The following SCFD1 variants were observed in gnomAD, a reference collection of about 807,000 sequenced individuals.
SCFD1 encodes the protein sec1 family domain-containing protein 1.
Under a neutral mutation model 103.2 loss-of-function variants are expected in SCFD1, and 37 were observed. That is an observed-to-expected ratio of 0.36 (90% CI 0.28 to 0.47). SCFD1 has a LOEUF of 0.47. Ranked by LOEUF, SCFD1 falls within the 20% of genes least tolerant of loss-of-function variation. The probability of loss-of-function intolerance (pLI) is 1.00; values close to 1 mark genes in which losing one functional copy is unlikely to be tolerated. For synonymous variants in SCFD1, 264 were observed against 245.0 expected, an observed-to-expected ratio of 1.08 and a Z score of -0.73; for missense variants, 639 against 761.2, an observed-to-expected ratio of 0.84 and a Z score of 1.89.
chr14:30,722,100 G>T (rs957513198), intron 22 of SCFD1, among the ~76,000 whole-genome samples, 183 bp downstream of exon 22: 1 of 151,940 alleles, frequency 6.6e-6, no homozygotes, highest in Non-Finnish European at 1.5e-5. Context: ...TAAAAATAAC[G>T]GACAATTCAC....
At chr14:30,634,227 C>T (rs981874449) in intron 4 of SCFD1, among the ~76,000 whole-genome samples, 190 bp downstream of exon 4, 9 of 152,100 alleles carry the variant, frequency 5.9e-5, no homozygotes, top group African/African-American at 2.2e-4. Flanking sequence ...AAGTATTATA[C>T]AGTAGTCCTC....
At chr14:30,734,244 T>A (rs1369260647) in intron 23 of SCFD1, among the ~76,000 whole-genome samples, 1 of 152,174 alleles carries the variant, frequency 6.6e-6, no homozygotes, top group African/African-American at 2.4e-5. Flanking sequence ...AATTAGCAAA[T>A]CGCTAATAGA....
intron 23 of SCFD1, 28 bp downstream of exon 23, chr14:30,722,587 G>A: frequency 1.4e-6 from 2 of 1,433,410 alleles, no homozygotes. Flanking sequence ...TTTTTATTCT[G>A]TTGTTAGATG....
chr14:30,670,513 G>A (rs1888436435), intron 11 of SCFD1, 118 bp downstream of exon 11: 1 of 600,108 alleles, frequency 1.7e-6, no homozygotes, highest in Non-Finnish European at 2.8e-6. Context: ...CCAATGAGTG[G>A]GGGCTGTAAT....
Position 30,649,517 on chromosome 14 carries a change from T to TA in SCFD1, c.614-11_614-10insA. 6.4e-7 allele frequency: 1 copy of TA among 1,563,506 alleles called. No individual in the cohort carries two copies. The highest frequency in any genetic ancestry group is 8.7e-7 in the Non-Finnish European group (1 of 1,153,250). On this transcript the variant is annotated splice_polypyrimidine_tract_variant and intron_variant, in intron 7 of 24. Transcript: ENST00000458591. Reference sequence around the variant, plus strand: ...AGCCAAGATCATTTCTAACATTTATTGTTAAAATAGGTGCTGTTCCTATAA... The same window carrying TA: ...AGCCAAGATCATTTCTAACATTTATTAGTTAAAATAGGTGCTGTTCCTATAA...
chr14:30,682,126 A>G (rs1282901441), intron 14 of SCFD1, among the ~76,000 whole-genome samples: 2 of 152,232 alleles, frequency 1.3e-5, no homozygotes, highest in Non-Finnish European at 2.9e-5. Context: ...GGAATGCTAG[A>G]AATTCAATGT....
chr14:30,719,393 C>T lies in SCFD1; in HGVS notation c.1736+16C>T, dbSNP rs756789002. ...GCAATGACAGGTAAGCAGCTTTTGT[C>T]TTGTTTAACTTGTGGATTTTTTCCC... On this transcript the variant is annotated intron_variant, in intron 21 of 24. Coordinates refer to ENST00000458591, the MANE Select transcript of SCFD1 (RefSeq NM_016106.4). 1.3e-6 allele frequency: 2 copies of T among 1,586,454 alleles called. No homozygotes were observed. Among genetic ancestry groups the T allele is most frequent in the Non-Finnish European group, 1.7e-6 (2 of 1,162,830 alleles).
At chr14:30,690,531 C>T (rs573734886) in intron 14 of SCFD1, among the ~76,000 whole-genome samples, 3 of 129,172 alleles carry the variant, frequency 2.3e-5, no homozygotes, top group Non-Finnish European at 4.7e-5. Context: ...TTTCTTAAGC[C>T]GGTCTGAAAA....
chr14:30,697,766 A>G (rs1484552189), intron 15 of SCFD1, among the ~76,000 whole-genome samples: 1 of 152,220 alleles, frequency 6.6e-6, no homozygotes, highest in African/African-American at 2.4e-5. Flanking sequence ...ATATTCTAGG[A>G]AGAAACCAGC....
chr14:30,642,920 C>G (rs1034163116), intron 6 of SCFD1, among the ~76,000 whole-genome samples: 1 of 152,100 alleles, frequency 6.6e-6, no homozygotes, highest in African/African-American at 2.4e-5. Flanking sequence ...GCCTATAATT[C>G]CAGCCCTTTG....
chr14:30,632,255 C>A (rs984164206), intron 3 of SCFD1, among the ~76,000 whole-genome samples: 3 of 151,880 alleles, frequency 2.0e-5, no homozygotes, highest in Non-Finnish European at 2.9e-5. Flanking sequence ...TTTAGATTTT[C>A]GATAAGTAAC....
intron 7 of SCFD1, among the ~76,000 whole-genome samples, chr14:30,647,567 A>G (rs1004378089): frequency 1.3e-5 from 2 of 152,078 alleles, no homozygotes; most frequent in Non-Finnish European, 2.9e-5. Flanking sequence ...GCCTGCTTTG[A>G]ACTGCTTTCA....
At chr14:30,720,150 ATTGT>A (rs1892556535) in intron 21 of SCFD1, among the ~76,000 whole-genome samples, 2 of 152,182 alleles carry the variant, frequency 1.3e-5, no homozygotes, top group African/African-American at 4.8e-5. Context: ...ATTAGATTAA[ATTGT>A]TTGATAACTT....
At chr14:30,734,896 C>A (rs1474646091) in intron 24 of SCFD1, 38 bp downstream of exon 24, 3 of 1,456,666 alleles carry the variant, frequency 2.1e-6, no homozygotes, top group Non-Finnish European at 2.9e-6. Flanking sequence ...TGTTAACATA[C>A]CCCTAGTTGC....
At chr14:30,714,862 C>A (rs1361082964) in intron 19 of SCFD1, among the ~76,000 whole-genome samples, 1 of 152,202 alleles carries the variant, frequency 6.6e-6, no homozygotes, top group Non-Finnish European at 1.5e-5. Flanking sequence ...AATAACACTT[C>A]ATTAGGAATG....
chr14:30,722,032 C>A, intron 22 of SCFD1, 115 bp downstream of exon 22: 1 of 678,908 alleles, frequency 1.5e-6, no homozygotes, highest in South Asian at 2.1e-5. Context: ...GATAATTTGG[C>A]CTAGCAATTA....
intron 4 of SCFD1, 57 bp downstream of exon 4, chr14:30,634,094 A>T: frequency 9.6e-7 from 1 of 1,039,716 alleles, no homozygotes; most frequent in Non-Finnish European, 1.4e-6. Context: ...TTTTTTTTCA[A>T]GAAAAATTCC....
intron 19 of SCFD1, among the ~76,000 whole-genome samples, chr14:30,710,453 T>TAGTC (rs1247248598): frequency 6.6e-6 from 1 of 151,344 alleles, no homozygotes; most frequent in African/African-American, 2.4e-5. Context: ...TAGTTCAATG[T>TAGTC]AGTCTTTTTT....
Position 30,735,541 on chromosome 14 carries a change from G to A in SCFD1, c.1906-45G>A, listed in dbSNP as rs573723210. 66 of 1,342,802 alleles carry A rather than the reference G, an allele frequency of 4.9e-5. No individual in the cohort carries two copies. The South Asian group carries it at 7.5e-4, about 15-fold the overall frequency. The allele number at this position is 1,342,802 out of a possible 1,614,324, so 83.2% of individuals were successfully genotyped here. A position where few individuals can be genotyped will look rare whatever the true frequency, so the allele number is the denominator to read the frequency against. ...AAATATGTTTGAATGTTTCTTTTAT[G>A]ATCTTTTTTAAAAGTTTTATGTATG... is the stretch of plus-strand genomic sequence containing the variant. On this transcript the variant is annotated intron_variant, in intron 24 of 24. Transcript: ENST00000458591.
Sources: allele counts gnomAD v4.1 joint callset (sites outside exome capture counted in the v4.1 genomes callset), GRCh38; gene constraint gnomAD v4.1.1; transcripts MANE v1.5; gene names NCBI Gene and HGNC (gene_info 2026-07-23, HGNC 2026-07-21).